FCHSD2: variants seen among roughly 807,000 people sequenced by gnomAD.
The protein encoded by FCHSD2 is FCH and double SH3 domains 2, also known as F-BAR and double SH3 domains protein 2.
Under a neutral mutation model 108.1 loss-of-function variants are expected in FCHSD2, and 38 were observed. The observed-to-expected ratio is 0.35, with a 90% CI of 0.27 to 0.46. The LOEUF is 0.46. FCHSD2 is among the 20% of genes least tolerant of loss of function. FCHSD2 has a pLI of 1.00. For missense variants in FCHSD2, 751 were observed against 897.8 expected (o/e 0.84, Z 2.09); for synonymous variants, 279 against 314.7 (o/e 0.89, Z 1.20).
rs1565324042 is a variant in FCHSD2 at position 72,921,852 on chromosome 11, C to A, written c.804G>T (p.Gln268His). The change falls in exon 9 of 20, where the codon CAG becomes CAT. Residue 268 changes from glutamine to histidine, a missense_variant. Coordinates refer to ENST00000409418, the MANE Select transcript of FCHSD2 (RefSeq NM_014824.3). ...ETCQAVQNTFQFLLENSSKVV... is the reference protein window; with the variant it reads ...ETCQAVQNTFHFLLENSSKVV... ...CCTTGCTGGAGTTTTCTAATAAAAA[C>A]TGGAATGTGTTCTGCACAGCTTGGC... 1.2e-6 allele frequency: 2 copies of A among 1,611,440 alleles called. No homozygotes were observed. The highest frequency in any genetic ancestry group is 1.3e-5 in the African/African-American group (1 of 75,010).
intron 11 of FCHSD2, among the ~76,000 whole-genome samples, chr11:72,887,776 G>C (rs1855229224): frequency 6.6e-6 from 1 of 152,138 alleles, no homozygotes; most frequent in Non-Finnish European, 1.5e-5. Context: ...CAGTGGGGAA[G>C]CCAGGACCAG....
chr11:73,137,234 TTAG>T (rs1861140059), intron 2 of FCHSD2, among the ~76,000 whole-genome samples: 2 of 152,178 alleles, frequency 1.3e-5, no homozygotes, highest in African/African-American at 4.8e-5. Flanking sequence ...AACTCTTGTT[TTAG>T]TAGGTAATAC....
intron 2 of FCHSD2, among the ~76,000 whole-genome samples, chr11:73,090,219 C>CTTT (rs59603567): frequency 0.015 from 1,133 of 76,964 alleles, no homozygotes; most frequent in East Asian, 0.026. Context: ...TACAATACTT[C>CTTT]TTTTTTTTTT....
At chr11:72,935,730 A>G (rs768983947) in intron 8 of FCHSD2, among the ~76,000 whole-genome samples, 1 of 152,240 alleles carries the variant, frequency 6.6e-6, no homozygotes, top group African/African-American at 2.4e-5. Flanking sequence ...AATCAGAAAC[A>G]TATCATCTAA....
At chr11:73,026,025 T>C (rs926827691) in intron 3 of FCHSD2, among the ~76,000 whole-genome samples, 1 of 152,106 alleles carries the variant, frequency 6.6e-6, no homozygotes, top group African/African-American at 2.4e-5. Flanking sequence ...TGTATGTATG[T>C]ATGTATGTAT....
chr11:73,007,904 T>C (rs1446226627), intron 4 of FCHSD2, among the ~76,000 whole-genome samples: 1 of 152,238 alleles, frequency 6.6e-6, no homozygotes, highest in Admixed American at 6.5e-5. Context: ...AGAGCACTCT[T>C]TGTATTTATT....
chr11:72,985,293 G>A (rs1857289787), intron 6 of FCHSD2, among the ~76,000 whole-genome samples, 177 bp from the exon 7 acceptor site: 1 of 125,542 alleles, frequency 8.0e-6, no homozygotes, highest in Non-Finnish European at 1.6e-5. Context: ...ACTACAGGAA[G>A]AATTTATTAT....
chr11:73,022,927 A>T (rs775211894), intron 3 of FCHSD2, among the ~76,000 whole-genome samples: 3 of 152,176 alleles, frequency 2.0e-5, no homozygotes, highest in Non-Finnish European at 4.4e-5. Flanking sequence ...AGGGGCAATG[A>T]CAATTCAATG....
At chr11:73,130,348 G>A (rs1414217208) in intron 2 of FCHSD2, among the ~76,000 whole-genome samples, 1 of 152,186 alleles carries the variant, frequency 6.6e-6, no homozygotes, top group Non-Finnish European at 1.5e-5. Flanking sequence ...GGCTCAAGCA[G>A]ATCCTCTTGC....
chr11:72,902,584 T>G lies in FCHSD2; in HGVS notation c.883A>C (p.Lys295Gln), dbSNP rs1855548519. 6.3e-7 allele frequency: 1 copy of G among 1,589,548 alleles called. No individual in the cohort carries two copies. The change falls in exon 10 of 20, where the codon AAA becomes CAA. Residue 295 changes from lysine to glutamine, a missense_variant. Lys to Gln is a moderately conservative substitution (Grantham distance 53, BLOSUM62 1). Transcript: ENST00000409418. ...LFLQENAVFH[K>Q]PQPFQFQPCD... ...GGCTGGAACTGGAAGGGCTGGGGTT[T>G]GTGAAATACAGCGTTTTCTTGCAAA...
chr11:72,972,160 CT>C (rs1255899687), intron 8 of FCHSD2, among the ~76,000 whole-genome samples: 1 of 152,138 alleles, frequency 6.6e-6, no homozygotes, highest in Non-Finnish European at 1.5e-5. Flanking sequence ...TTCAGTACCC[CT>C]CATCTATTGT....
chr11:72,874,400 G>A (rs1854924502), intron 12 of FCHSD2, among the ~76,000 whole-genome samples: 1 of 152,118 alleles, frequency 6.6e-6, no homozygotes, highest in African/African-American at 2.4e-5. Flanking sequence ...ATGTTGCCTA[G>A]GCTGGTCTTG....
chr11:73,008,866 A>G (rs1471895886), intron 4 of FCHSD2, among the ~76,000 whole-genome samples: 1 of 152,174 alleles, frequency 6.6e-6, no homozygotes, highest in African/African-American at 2.4e-5. Flanking sequence ...GTAAAATTAG[A>G]GGCAGCTTTT....
chr11:72,940,761 T>G (rs146829948), intron 8 of FCHSD2: 4 of 850,620 alleles, frequency 4.7e-6, no homozygotes, highest in Non-Finnish European at 8.1e-6. Context: ...TTCATCATGG[T>G]GTTAATCAGC....
chr11:73,072,023 G>A (rs1859449277), intron 3 of FCHSD2, among the ~76,000 whole-genome samples: 1 of 151,982 alleles, frequency 6.6e-6, no homozygotes, highest in Non-Finnish European at 1.5e-5. Flanking sequence ...CAGGGCAGGG[G>A]ACTCAAACTC....
At chr11:72,999,888 AACAC>A (rs922523491) in intron 5 of FCHSD2, among the ~76,000 whole-genome samples, 4 of 102,858 alleles carry the variant, frequency 3.9e-5, no homozygotes, top group African/African-American at 1.4e-4. Flanking sequence ...CACACACACA[AACAC>A]ACACACACAC....
chr11:73,021,083 G>A lies in FCHSD2; in HGVS notation c.166-5198C>T, dbSNP rs1007620639. Among the ~76,000 whole-genome samples, 4 of 151,942 alleles carry A rather than the reference G, an allele frequency of 2.6e-5. No homozygotes were observed. The South Asian group carries it at 8.3e-4, about 31-fold the overall frequency. On this transcript the variant is annotated intron_variant, in intron 3 of 19. Coordinates refer to ENST00000409418, the MANE Select transcript of FCHSD2 (RefSeq NM_014824.3). ...TGTAGAGATGGGGTCTCGCTATGTT[G>A]CCCAGGTTGATCTGAACTCCTGGCC...
At chr11:73,046,850 T>G (rs1345216110) in intron 3 of FCHSD2, among the ~76,000 whole-genome samples, 1 of 152,158 alleles carries the variant, frequency 6.6e-6, no homozygotes, top group Non-Finnish European at 1.5e-5. Context: ...CCCAAAATCT[T>G]GAGATTACAA....
intron 3 of FCHSD2, among the ~76,000 whole-genome samples, chr11:73,017,131 T>A (rs755427829): frequency 6.6e-6 from 1 of 152,140 alleles, no homozygotes; most frequent in Non-Finnish European, 1.5e-5. Flanking sequence ...TACAGGCACA[T>A]GCCACTGAGC....
Sources: allele counts gnomAD v4.1 joint callset (sites outside exome capture counted in the v4.1 genomes callset), GRCh38; gene constraint gnomAD v4.1.1; transcripts MANE v1.5; gene names NCBI Gene and HGNC (gene_info 2026-07-23, HGNC 2026-07-21).